Variants in MYO5A observed in about 807,000 individuals in gnomAD.
MYO5A encodes unconventional myosin-Va.
In MYO5A, 98 loss-of-function variants were observed where a neutral mutation model predicts 249.7. The observed-to-expected ratio is 0.39, with a 90% CI of 0.33 to 0.46. The LOEUF is 0.46. MYO5A is among the 20% of genes least tolerant of loss of function. MYO5A has a pLI of 0.98. For missense variants in MYO5A, 1,696 were observed against 2,308.8 expected, an observed-to-expected ratio of 0.73 and a Z score of 5.44; for synonymous variants, 778 against 810.6, an observed-to-expected ratio of 0.96 and a Z score of 0.68.
chr15:52,500,404 T>G (rs577638226), intron 1 of MYO5A, among the ~76,000 whole-genome samples: 211 of 149,012 alleles, frequency 1.4e-3, no homozygotes, highest in East Asian at 1.0e-3. Flanking sequence ...TGGAGTGCAA[T>G]AGCACGATCT....
intron 5 of MYO5A, among the ~76,000 whole-genome samples, chr15:52,411,520 A>T (rs1388571915): frequency 6.7e-6 from 1 of 149,832 alleles, no homozygotes; most frequent in African/African-American, 2.4e-5. Context: ...GCTTCTATAA[A>T]TTTTTTTAAG....
At chr15:52,428,262 T>G in intron 3 of MYO5A, 136 bp downstream of exon 3, 1 of 894,414 alleles carries the variant, frequency 1.1e-6, no homozygotes, top group Non-Finnish European at 1.8e-6. Context: ...GGTAAATCTT[T>G]CTGATAACGC....
intron 7 of MYO5A, among the ~76,000 whole-genome samples, chr15:52,407,749 T>G (rs943275206): frequency 1.3e-5 from 2 of 152,106 alleles, no homozygotes; most frequent in Non-Finnish European, 2.9e-5. Context: ...TAATTTTTTT[T>G]TTCCTTTAAT....
At chr15:52,336,688 C>G (rs1228468471) in intron 33 of MYO5A, 132 bp from the exon 34 acceptor site, 3 of 713,766 alleles carry the variant, frequency 4.2e-6, no homozygotes, top group African/African-American at 1.8e-5. Flanking sequence ...GGAGCCACCA[C>G]CTGGCTAAAA....
intron 1 of MYO5A, among the ~76,000 whole-genome samples, chr15:52,513,361 G>A (rs984131453): frequency 6.1e-5 from 9 of 148,378 alleles, no homozygotes; most frequent in Admixed American, 2.7e-4. Flanking sequence ...AACCCGGGAG[G>A]CAGAGGTTGC....
intron 18 of MYO5A, among the ~76,000 whole-genome samples, chr15:52,378,391 T>G (rs2041538815): frequency 6.6e-6 from 1 of 151,266 alleles, no homozygotes; most frequent in Admixed American, 6.6e-5. Flanking sequence ...TGTGGTGGTG[T>G]GCACCTATAA....
At chr15:52,504,179 T>C (rs892835599) in intron 1 of MYO5A, among the ~76,000 whole-genome samples, 3 of 151,724 alleles carry the variant, frequency 2.0e-5, no homozygotes, top group Non-Finnish European at 4.4e-5. Flanking sequence ...AGAAAACTGA[T>C]ATGTTTCTAC....
chr15:52,464,050 C>T lies in MYO5A; in HGVS notation c.28-30765G>A, dbSNP rs887543016. Among the ~76,000 whole-genome samples, 8 of 152,180 alleles carry T rather than the reference C, an allele frequency of 5.3e-5. No individual in the cohort carries two copies. In the East Asian group the frequency reaches 5.8e-4, roughly 11 times the overall value. ...AACTGTGTGACCTTGAACAATTACC[C>T]AACTTTCTTCCTCAGGATTCTCATC... On this transcript the variant is annotated intron_variant, in intron 1 of 41. Transcript: ENST00000399233.
chr15:52,421,767 G>T lies in MYO5A; in HGVS notation c.455+4063C>A, dbSNP rs576270445. On this transcript the variant is annotated intron_variant, in intron 4 of 41. Transcript: ENST00000399233. ...ACAGAAACCTGTACATGTAAAGCTAGATCATCAGTGACACTGTTCCGTTTT... is the reference window on the plus strand; with the variant it reads ...ACAGAAACCTGTACATGTAAAGCTATATCATCAGTGACACTGTTCCGTTTT... Among the ~76,000 whole-genome samples the T allele has an allele frequency of 2.0e-5, 3 of 152,330 alleles. No individual in the cohort carries two copies. In the South Asian group the frequency reaches 6.2e-4, roughly 32 times the overall value.
intron 1 of MYO5A, among the ~76,000 whole-genome samples, chr15:52,484,821 A>C (rs2076785149): frequency 6.6e-6 from 1 of 151,976 alleles, no homozygotes; most frequent in Non-Finnish European, 1.5e-5. Context: ...AGCCTGGCCA[A>C]CATGGTGAAA....
chr15:52,528,926 C>T, upstream of MYO5A: 1 of 920,136 alleles, frequency 1.1e-6, no homozygotes, highest in Non-Finnish European at 1.4e-6. Flanking sequence ...AGGGCAGGGC[C>T]GGGCGGGGAG....
Position 52,364,716 on chromosome 15 carries a change from A to G in MYO5A, c.3161-14T>C, listed in dbSNP as rs2040726328. On this transcript the variant is annotated splice_polypyrimidine_tract_variant and intron_variant, in intron 23 of 41. Coordinates refer to ENST00000399233, the MANE Select transcript of MYO5A (RefSeq NM_001382347.1). ...TCTCCATAGTTTCTGAAATTAAAAA[A>G]AGGATATGCATACTAAAGATGGCCC... The G allele has an allele frequency of 1.9e-6, 3 of 1,612,976 alleles. No homozygotes were observed. The African/African-American group carries it at 4.0e-5, about 22-fold the overall frequency.
intron 34 of MYO5A, among the ~76,000 whole-genome samples, chr15:52,332,911 G>A (rs2038955914): frequency 6.6e-6 from 1 of 152,164 alleles, no homozygotes; most frequent in Admixed American, 6.5e-5. Context: ...GTTGCAGTGA[G>A]CCGAGATCAC....
At chr15:52,481,039 C>T (rs1163271329) in intron 1 of MYO5A, among the ~76,000 whole-genome samples, 1 of 152,176 alleles carries the variant, frequency 6.6e-6, no homozygotes, top group Non-Finnish European at 1.5e-5. Flanking sequence ...TGGTAGTGCA[C>T]TGGACCACAC....
intron 1 of MYO5A, among the ~76,000 whole-genome samples, chr15:52,466,209 C>A (rs1250629867): frequency 6.6e-6 from 1 of 152,182 alleles, no homozygotes; most frequent in Admixed American, 6.5e-5. Flanking sequence ...ACCTCACACG[C>A]CTGGGAGCTA....
rs550191522 is a variant in MYO5A at position 52,368,890 on chromosome 15, C to T, written c.3066+1279G>A. Among the ~76,000 whole-genome samples the T allele has an allele frequency of 2.0e-5, 3 of 152,300 alleles. No individual in the cohort carries two copies. The East Asian group carries it at 5.8e-4, about 29-fold the overall frequency. On this transcript the variant is annotated intron_variant, in intron 22 of 41. Coordinates refer to ENST00000399233, the MANE Select transcript of MYO5A (RefSeq NM_001382347.1). ...AAAGGAAAGGAGAATCTTCCCACCA[C>T]ACTTAACTACTGTACAGATTCTGAG...
intron 5 of MYO5A, among the ~76,000 whole-genome samples, chr15:52,415,822 A>T (rs1374429605): frequency 6.6e-6 from 1 of 152,196 alleles, no homozygotes; most frequent in Non-Finnish European, 1.5e-5. Flanking sequence ...GTACAAGGAA[A>T]GGAACAATAG....
At chr15:52,463,333 G>T (rs2076290475) in intron 1 of MYO5A, among the ~76,000 whole-genome samples, 1 of 152,006 alleles carries the variant, frequency 6.6e-6, no homozygotes, top group Non-Finnish European at 1.5e-5. Flanking sequence ...ACTAAGAAAG[G>T]ATATTATTTC....
chr15:52,453,749 T>C (rs926788474), intron 1 of MYO5A, among the ~76,000 whole-genome samples: 1 of 152,144 alleles, frequency 6.6e-6, no homozygotes, highest in Non-Finnish European at 1.5e-5. Flanking sequence ...TATTTCTGCA[T>C]TTCTGTCTTG....
Sources: gnomAD v4.1 joint callset for allele counts (sites outside exome capture counted in the v4.1 genomes callset) on GRCh38, gnomAD v4.1.1 for gene constraint, MANE v1.5 for transcripts, NCBI Gene and HGNC (gene_info 2026-07-23, HGNC 2026-07-21) for gene names.